RPH3A: variants seen among roughly 807,000 people sequenced by gnomAD.
RPH3A encodes the protein rabphilin 3A.
In RPH3A, 48 loss-of-function variants were observed where a neutral mutation model predicts 102.2. That is an observed-to-expected ratio of 0.47 (90% CI 0.37 to 0.60). RPH3A has a LOEUF of 0.60. Ranked by LOEUF, RPH3A falls within the 20% of genes least tolerant of loss-of-function variation. The pLI is 0.00. For missense variants in RPH3A, 781 were observed against 910.1 expected (o/e 0.86, Z 1.83); for synonymous variants, 310 against 324.3 (o/e 0.96, Z 0.47).
chr12:112,888,001 G>A, intron 17 of RPH3A, 78 bp downstream of exon 17: 1 of 1,531,178 alleles, frequency 6.5e-7, no homozygotes, highest in Non-Finnish European at 8.9e-7. Flanking sequence ...CTGAATTGGG[G>A]GAAATAGATC....
At chr12:112,654,702 A>G (rs1237839469) in intron 1 of RPH3A, among the ~76,000 whole-genome samples, 2 of 152,184 alleles carry the variant, frequency 1.3e-5, no homozygotes, top group Non-Finnish European at 2.9e-5. Context: ...ATTCTTTCAG[A>G]ATTCATCAGT....
At chr12:112,644,240 A>G (rs185590230) in intron 1 of RPH3A, among the ~76,000 whole-genome samples, 2 of 152,230 alleles carry the variant, frequency 1.3e-5, no homozygotes, top group African/African-American at 4.8e-5. Flanking sequence ...CCCAGACTTC[A>G]TTAGGAAATA....
intron 2 of RPH3A, among the ~76,000 whole-genome samples, chr12:112,826,324 A>G (rs1383270693): frequency 6.6e-6 from 1 of 152,180 alleles, no homozygotes; most frequent in Non-Finnish European, 1.5e-5. Context: ...TGGAAGGAAA[A>G]GAGAAGGAGG....
intron 1 of RPH3A, among the ~76,000 whole-genome samples, chr12:112,685,377 G>A (rs992206930): frequency 6.6e-6 from 1 of 152,154 alleles, no homozygotes; most frequent in African/African-American, 2.4e-5. Flanking sequence ...TTCAACCATA[G>A]CAGTGGGAGG....
At chr12:112,891,187 C>A in intron 19 of RPH3A, 184 bp downstream of exon 19, 1 of 644,194 alleles carries the variant, frequency 1.6e-6, no homozygotes, top group Non-Finnish European at 2.6e-6. Flanking sequence ...GAGTCTCAGG[C>A]AGTCAAACTG....
At chr12:112,792,712 G>A (rs1012652014) in intron 2 of RPH3A, among the ~76,000 whole-genome samples, 9 of 152,204 alleles carry the variant, frequency 5.9e-5, no homozygotes, top group Admixed American at 1.3e-4. Flanking sequence ...TTTTGCCTGG[G>A]CACACTGGGT....
intron 1 of RPH3A, among the ~76,000 whole-genome samples, chr12:112,637,839 C>T (rs1222358489): frequency 1.3e-5 from 2 of 151,954 alleles, no homozygotes; most frequent in Admixed American, 6.6e-5. Flanking sequence ...TTTCCAGCAG[C>T]CCCACCTGGT....
At chr12:112,692,919 C>T (rs1374905888) in intron 1 of RPH3A, among the ~76,000 whole-genome samples, 1 of 152,134 alleles carries the variant, frequency 6.6e-6, no homozygotes, top group Admixed American at 6.6e-5. Flanking sequence ...CTGCTCCTGC[C>T]CCCGATGCTG....
intron 1 of RPH3A, among the ~76,000 whole-genome samples, chr12:112,613,675 C>G (rs1380801392): frequency 3.3e-5 from 5 of 152,004 alleles, no homozygotes; most frequent in Admixed American, 3.3e-4. Context: ...ATGGTGCATG[C>G]CTGTAGACCC....
At chr12:112,692,540 G>A (rs2040314284) in intron 1 of RPH3A, among the ~76,000 whole-genome samples, 2 of 152,128 alleles carry the variant, frequency 1.3e-5, no homozygotes, top group South Asian at 4.2e-4. Flanking sequence ...TACCATATTG[G>A]ACAGTTCAAG....
intron 5 of RPH3A, among the ~76,000 whole-genome samples, chr12:112,863,443 A>G (rs1439046125): frequency 6.6e-6 from 1 of 152,098 alleles, no homozygotes; most frequent in Non-Finnish European, 1.5e-5. Context: ...TCAGCCTCTC[A>G]AGTAACTTGG....
chr12:112,825,354 T>C (rs1184798049), intron 2 of RPH3A, among the ~76,000 whole-genome samples: 2 of 152,104 alleles, frequency 1.3e-5, no homozygotes, highest in East Asian at 1.9e-4. Context: ...CACACAAAGA[T>C]TGAATAATTA....
At chr12:112,752,927 C>G (rs2040794550) in intron 1 of RPH3A, among the ~76,000 whole-genome samples, 2 of 151,358 alleles carry the variant, frequency 1.3e-5, no homozygotes, top group Admixed American at 1.3e-4. Context: ...ATTTATTTCC[C>G]CAACCCCTTC....
chr12:112,807,081 G>C (rs149967902), intron 2 of RPH3A, among the ~76,000 whole-genome samples: 161 of 152,150 alleles, frequency 1.1e-3, no homozygotes, highest in East Asian at 0.01. Context: ...GTGAGGGTGA[G>C]ATGAGGCGGG....
intron 1 of RPH3A, among the ~76,000 whole-genome samples, chr12:112,729,671 T>C (rs1454821605): frequency 2.6e-4 from 40 of 152,238 alleles, no homozygotes; most frequent in Non-Finnish European, 4.4e-5. Context: ...CTAAGCTTGA[T>C]ACATAACTCG....
chr12:112,616,701 C>G (rs1433715039), intron 1 of RPH3A, among the ~76,000 whole-genome samples: 1 of 152,200 alleles, frequency 6.6e-6, no homozygotes, highest in Non-Finnish European at 1.5e-5. Context: ...CCTAAGTCTG[C>G]TTTTCAATGG....
chr12:112,700,225 A>G (rs996941431), intron 1 of RPH3A, among the ~76,000 whole-genome samples: 1 of 151,492 alleles, frequency 6.6e-6, no homozygotes, highest in Non-Finnish European at 1.5e-5. Flanking sequence ...ATGCACAACC[A>G]CTCCCAGCTA....
chr12:112,674,637 C>T (rs1592937386), intron 1 of RPH3A, among the ~76,000 whole-genome samples: 4 of 152,246 alleles, frequency 2.6e-5, no homozygotes. Flanking sequence ...CTACCTCCTC[C>T]CCAGCATCCA....
chr12:112,895,906 C>A, intron 21 of RPH3A, 33 bp downstream of exon 21: 1 of 1,442,758 alleles, frequency 6.9e-7, no homozygotes, highest in Non-Finnish European at 9.7e-7. Flanking sequence ...AAAACGCCCT[C>A]TTCTGTCCTC....
Sources: allele counts gnomAD v4.1 joint callset (sites outside exome capture counted in the v4.1 genomes callset), GRCh38; gene constraint gnomAD v4.1.1; transcripts MANE v1.5; gene names NCBI Gene and HGNC (gene_info 2026-07-23, HGNC 2026-07-21).